Variants in SANBR observed in about 807,000 individuals in gnomAD.
SANBR encodes the protein SANT and BTB domain regulator of class switch recombination.
In SANBR, 77 loss-of-function variants were observed where a neutral mutation model predicts 101.8. That is an observed-to-expected ratio of 0.76 (90% CI 0.63 to 0.91). The LOEUF is 0.91. Ranked by LOEUF, SANBR falls within the 40% of genes least tolerant of loss-of-function variation. The probability of loss-of-function intolerance (pLI) is 0.00; values close to 1 mark genes in which losing one functional copy is unlikely to be tolerated. For synonymous variants in SANBR, 279 were observed against 274.7 expected (o/e 1.02, Z -0.15); for missense variants, 875 against 853.0 (o/e 1.03, Z -0.32).
At chr2:61,134,082 C>G (rs771746094) in intron 20 of SANBR, 10 of 1,592,246 alleles carry the variant, frequency 6.3e-6, no homozygotes, top group Non-Finnish European at 8.6e-6. Context: ...TTGTGTTTGC[C>G]TGGGTGTGTA....
At chr2:61,111,264 G>T (rs1260796429) in intron 16 of SANBR, among the ~76,000 whole-genome samples, 1 of 152,098 alleles carries the variant, frequency 6.6e-6, no homozygotes, top group African/African-American at 2.4e-5. Flanking sequence ...GTGGTGGCGG[G>T]CACCTGTAGT....
chr2:61,102,836 C>A (rs991295170), intron 12 of SANBR, among the ~76,000 whole-genome samples: 1 of 151,902 alleles, frequency 6.6e-6, no homozygotes, highest in Non-Finnish European at 1.5e-5. Flanking sequence ...CCACGCCGAG[C>A]CAGAATGACT....
Position 61,109,181 on chromosome 2 carries a change from T to C in SANBR, c.1645-16T>C. 1.8e-6 allele frequency: 2 copies of C among 1,135,356 alleles called. No homozygotes were observed. Among genetic ancestry groups the C allele is most frequent in the Non-Finnish European group, 2.5e-6 (2 of 816,050 alleles). The allele number at this position is 1,135,356 out of a possible 1,614,324, so 70.3% of individuals were successfully genotyped here. A position where few individuals can be genotyped will look rare whatever the true frequency, so the allele number is the denominator to read the frequency against. Reference sequence around the variant, plus strand: ...ATCATAATATTACATTTATAATAGATTTTTTTTTAACTTAGAAACAACAGT... The same window carrying C: ...ATCATAATATTACATTTATAATAGACTTTTTTTTAACTTAGAAACAACAGT... On this transcript the variant is annotated splice_polypyrimidine_tract_variant and intron_variant, in intron 15 of 21. Transcript: ENST00000402291.
chr2:61,092,584 T>A lies in SANBR; in HGVS notation c.1209T>A (p.Tyr403Ter), dbSNP rs138958672. 2 of 1,578,980 alleles carry A rather than the reference T, an allele frequency of 1.3e-6. No homozygotes were observed. The highest frequency in any genetic ancestry group is 1.7e-6 in the Non-Finnish European group (2 of 1,168,316). Residue 403 changes from tyrosine (Y) to a stop codon, truncating the protein, a stop_gained, in exon 11 of 22, where the codon TAT becomes TAA. Coordinates refer to ENST00000402291, the MANE Select transcript of SANBR (RefSeq NM_001129993.3). LOFTEE classifies it high-confidence loss of function. ...ATTGGCTGACTTGTTCAAGATGTTA[T>A]CAGGTAAGATTTTTTTTTTTAAATA... Reference protein sequence around the residue: ...TINWLTCSRCYQAFLCIEFSH... With the variant: ...TINWLTCSRC
At chr2:61,094,042 G>A (rs1682908224) in intron 11 of SANBR, 4 of 972,332 alleles carry the variant, frequency 4.1e-6, no homozygotes, top group Non-Finnish European at 3.7e-6. Context: ...TCAATAGAGG[G>A]AAGGAAGAAC....
At position 61,092,748 on chromosome 2, in the gene SANBR, C is replaced by A. The variant is rs146233977; in HGVS notation, c.1212+161C>A. 1.4e-4 allele frequency among the ~76,000 whole-genome samples: 21 copies of A among 152,264 alleles called. No homozygotes were observed. The East Asian group carries it at 3.9e-3, about 28-fold the overall frequency. ...GGGCATGGTGGCTCGTGCCTGTAAT[C>A]CCAGCACATTTAGAGACCAAGGCAG... On this transcript the variant is annotated intron_variant, in intron 11 of 21. Transcript: ENST00000402291.
intron 20 of SANBR, 86 bp downstream of exon 20, chr2:61,118,202 A>T: frequency 1.2e-6 from 1 of 867,070 alleles, no homozygotes; most frequent in Non-Finnish European, 1.8e-6. Context: ...AAGATGTCTT[A>T]GGCAGAATTT....
intron 10 of SANBR, chr2:61,088,854 A>T (rs1682594119): frequency 8.2e-6 from 8 of 970,064 alleles, no homozygotes; most frequent in South Asian, 9.5e-5. Context: ...TAGCATATTT[A>T]TAAAAATATA....
At chr2:61,108,077 G>C (rs1221146044) in intron 14 of SANBR, among the ~76,000 whole-genome samples, 1 of 152,064 alleles carries the variant, frequency 6.6e-6, no homozygotes, top group Non-Finnish European at 1.5e-5. Context: ...TGATTTACTT[G>C]TCCTTTGGAA....
At chr2:61,097,662 G>T in intron 11 of SANBR, 38 bp from the exon 12 acceptor site, 2 of 1,451,236 alleles carry the variant, frequency 1.4e-6, no homozygotes, top group South Asian at 1.3e-5. Flanking sequence ...TAATTTTGTT[G>T]TGGAAATAGT....
At chr2:61,117,245 C>T in intron 17 of SANBR, 112 bp from the exon 18 acceptor site, 1 of 983,512 alleles carries the variant, frequency 1.0e-6, no homozygotes, top group Non-Finnish European at 1.6e-6. Context: ...TTGTAATGCT[C>T]TTGGTACAGT....
At chr2:61,085,091 T>A (rs1419859433) in intron 8 of SANBR, among the ~76,000 whole-genome samples, 1 of 152,138 alleles carries the variant, frequency 6.6e-6, no homozygotes, top group Admixed American at 6.6e-5. Context: ...GACATTCAAG[T>A]GGGATGGCAA....
Position 61,071,876 on chromosome 2 carries a change from TGTTTA to T in SANBR, c.337+85_337+89del, listed in dbSNP as rs1239880546. 3.7e-5 allele frequency: 31 copies of T among 831,696 alleles called. No individual in the cohort carries two copies. The South Asian group carries it at 5.0e-4, about 14-fold the overall frequency. The allele number at this position is 831,696 out of a possible 1,614,324, so 51.5% of individuals were successfully genotyped here. On this transcript the variant is annotated intron_variant, in intron 4 of 21. Transcript: ENST00000402291. ...ATATTCCAATCAACTTTTCTTTCTT[TGTTTA>T]AAGGCTAATATAAACATTAATAGAG...
chr2:61,129,645 G>T (rs1436360254), intron 20 of SANBR, among the ~76,000 whole-genome samples: 1 of 152,040 alleles, frequency 6.6e-6, no homozygotes, highest in Non-Finnish European at 1.5e-5. Flanking sequence ...GAACAAAGGA[G>T]GTGGATGGGA....
At chr2:61,125,150 A>G (rs536591038), downstream of SANBR, among the ~76,000 whole-genome samples, 70 of 152,330 alleles carry the variant, frequency 4.6e-4, no homozygotes, top group Non-Finnish European at 8.1e-4. Context: ...TTCCACCCTT[A>G]TAAGATTTTG....
chr2:61,074,269 A>G (rs1405964459), intron 5 of SANBR, among the ~76,000 whole-genome samples: 1 of 152,268 alleles, frequency 6.6e-6, no homozygotes, highest in African/African-American at 2.4e-5. Context: ...CTGATTGCAC[A>G]ACAGTGTGAA....
At chr2:61,137,210 C>T (rs1684878731) in intron 21 of SANBR, among the ~76,000 whole-genome samples, 1 of 151,936 alleles carries the variant, frequency 6.6e-6, no homozygotes, top group African/African-American at 2.4e-5. Context: ...CCCAAGAGGT[C>T]AAGGCTGTAG....
chr2:61,112,329 C>T (rs1683869241), intron 16 of SANBR, among the ~76,000 whole-genome samples: 1 of 152,012 alleles, frequency 6.6e-6, no homozygotes, highest in Non-Finnish European at 1.5e-5. Context: ...ATTTATATAT[C>T]TTTTTTATGA....
chr2:61,130,929 CAA>C (rs59171411), intron 20 of SANBR, among the ~76,000 whole-genome samples: 8 of 13,220 alleles, frequency 6.1e-4, no homozygotes, highest in African/African-American at 1.7e-3. Flanking sequence ...GACTCTGTCT[CAA>C]AAAAAAAAAA....
Sources: gnomAD v4.1 joint callset for allele counts (sites outside exome capture counted in the v4.1 genomes callset) on GRCh38, gnomAD v4.1.1 for gene constraint, MANE v1.5 for transcripts, NCBI Gene and HGNC (gene_info 2026-07-23, HGNC 2026-07-21) for gene names.